The following DOK5 variants were observed in gnomAD, a reference collection of about 807,000 sequenced individuals.
The protein encoded by DOK5 is downstream of tyrosine kinase 5.
In DOK5, 27 loss-of-function variants were observed where a neutral mutation model predicts 43.3. The observed-to-expected ratio is 0.62, with a 90% CI of 0.46 to 0.86. The LOEUF (loss-of-function observed/expected upper bound fraction) is 0.86, where lower values mean the gene tolerates loss of function less well. Among genes scored for constraint, DOK5 ranks in the 40% least tolerant of loss-of-function variants. The pLI is 0.00. For missense variants in DOK5, 373 were observed against 392.9 expected, an observed-to-expected ratio of 0.95 and a Z score of 0.43; for synonymous variants, 146 against 140.1, an observed-to-expected ratio of 1.04 and a Z score of -0.30.
chr20:54,552,717 C>T (rs886999852), intron 1 of DOK5, among the ~76,000 whole-genome samples: 1 of 152,104 alleles, frequency 6.6e-6, no homozygotes, highest in Non-Finnish European at 1.5e-5. Flanking sequence ...ATGCTGCTAA[C>T]ATTTTATTGT....
chr20:54,629,705 A>G (rs1368592457), intron 6 of DOK5, among the ~76,000 whole-genome samples: 6 of 152,230 alleles, frequency 3.9e-5, no homozygotes, highest in Non-Finnish European at 7.3e-5. Context: ...CAATCAATAT[A>G]TAAATATATA....
chr20:54,514,393 A>T (rs1448526549), intron 1 of DOK5, among the ~76,000 whole-genome samples: 1 of 152,196 alleles, frequency 6.6e-6, no homozygotes, highest in Non-Finnish European at 1.5e-5. Flanking sequence ...CAGAAGAGGA[A>T]TTCCAAGAAT....
intron 2 of DOK5, among the ~76,000 whole-genome samples, chr20:54,579,968 C>T (rs1985584833): frequency 6.6e-6 from 1 of 152,046 alleles, no homozygotes; most frequent in African/African-American, 2.4e-5. Context: ...GTGTGATGTT[C>T]CCCTCCCTGT....
At chr20:54,480,039 C>T (rs1405739315) in intron 1 of DOK5, among the ~76,000 whole-genome samples, 1 of 152,070 alleles carries the variant, frequency 6.6e-6, no homozygotes, top group South Asian at 2.1e-4. Flanking sequence ...TTGCAACAGT[C>T]TTCTCATTTG....
At chr20:54,610,296 T>A in intron 5 of DOK5, 92 bp from the exon 6 acceptor site, 1 of 1,241,050 alleles carries the variant, frequency 8.1e-7, no homozygotes, top group South Asian at 2.8e-5. Context: ...AAATAATAAA[T>A]GGGCGCAGCC....
chr20:54,628,804 T>G (rs946963602), intron 6 of DOK5, among the ~76,000 whole-genome samples: 1 of 152,162 alleles, frequency 6.6e-6, no homozygotes, highest in African/African-American at 2.4e-5. Flanking sequence ...TGTGAGAACT[T>G]TAGGAAGGTA....
At chr20:54,519,255 A>G (rs1432211291) in intron 1 of DOK5, among the ~76,000 whole-genome samples, 2 of 152,286 alleles carry the variant, frequency 1.3e-5, no homozygotes, top group East Asian at 3.9e-4. Flanking sequence ...AAACTGCGTT[A>G]TCTTGTATCA....
At chr20:54,571,696 G>A (rs953983638) in intron 2 of DOK5, among the ~76,000 whole-genome samples, 1 of 152,172 alleles carries the variant, frequency 6.6e-6, no homozygotes, top group Admixed American at 6.5e-5. Flanking sequence ...TCTTTCTAGA[G>A]CATAAATATG....
chr20:54,594,678 C>CT (rs1348876419), intron 5 of DOK5, among the ~76,000 whole-genome samples: 2 of 151,930 alleles, frequency 1.3e-5, no homozygotes, highest in East Asian at 1.9e-4. Context: ...ATTTTAAAAT[C>CT]TTTTTTTATT....
At chr20:54,588,646 G>A in intron 3 of DOK5, 41 bp from the exon 4 acceptor site, 4 of 1,614,016 alleles carry the variant, frequency 2.5e-6, no homozygotes, top group Non-Finnish European at 3.4e-6. Context: ...ATTCTGAATG[G>A]ATGCTGGGCA....
At chr20:54,494,510 C>A (rs1982312182) in intron 1 of DOK5, among the ~76,000 whole-genome samples, 1 of 152,160 alleles carries the variant, frequency 6.6e-6, no homozygotes, top group Non-Finnish European at 1.5e-5. Context: ...GAGTGTGACT[C>A]AGTGACAGCT....
In DOK5 at chr20:54,514,286, C is replaced by A. The variant is rs1403400971; in HGVS notation, c.66+38274C>A. Among the ~76,000 whole-genome samples the A allele has an allele frequency of 2.0e-5, 3 of 152,282 alleles. No homozygotes were observed. The East Asian group carries it at 5.8e-4, about 29-fold the overall frequency. ...TAATTCTGCAAAGCCCTCATCCTCC[C>A]AGCACTATATGTACTAAGCGTGAGA... On this transcript the variant is annotated intron_variant, in intron 1 of 7. Transcript: ENST00000262593.
chr20:54,515,563 G>C (rs897883227), intron 1 of DOK5, among the ~76,000 whole-genome samples: 3 of 152,184 alleles, frequency 2.0e-5, no homozygotes, highest in Non-Finnish European at 4.4e-5. Context: ...GTCTACCACA[G>C]TACATCTTGT....
At chr20:54,516,806 A>G (rs1983212322) in intron 1 of DOK5, among the ~76,000 whole-genome samples, 1 of 152,206 alleles carries the variant, frequency 6.6e-6, no homozygotes, top group Non-Finnish European at 1.5e-5. Flanking sequence ...TCTTGCCCTC[A>G]AAGAATTTAC....
intron 1 of DOK5, among the ~76,000 whole-genome samples, chr20:54,497,364 T>C (rs900332922): frequency 5.9e-5 from 9 of 152,234 alleles, no homozygotes; most frequent in African/African-American, 1.9e-4. Context: ...CAGTCTTACA[T>C]TTGAACAACA....
At chr20:54,529,555 A>G (rs1203251781) in intron 1 of DOK5, among the ~76,000 whole-genome samples, 1 of 152,004 alleles carries the variant, frequency 6.6e-6, no homozygotes, top group African/African-American at 2.4e-5. Context: ...AAAAAAAAAC[A>G]GCATTATTGG....
Position 54,647,509 on chromosome 20 carries a change from T to TAAA in DOK5, c.857-2894_857-2892dup, listed in dbSNP as rs747478559. Among the ~76,000 whole-genome samples the TAAA allele has an allele frequency of 4.1e-3, 520 of 127,712 alleles. 2 individuals carry two copies. Among genetic ancestry groups the TAAA allele is most frequent in the African/African-American group, 0.013 (452 of 34,964 alleles). The allele number at this position is 127,712 out of a possible 152,430, so 83.8% of individuals were successfully genotyped here. On this transcript the variant is annotated intron_variant, in intron 7 of 7. Transcript: ENST00000262593. ...AACAAGAGTGAAACTCTGTCTCAGT[T>TAAA]AAAAAAAAAAAAAACAAAAAAACTA... is the stretch of plus-strand genomic sequence containing the variant.
chr20:54,577,464 A>G (rs952195109), intron 2 of DOK5, among the ~76,000 whole-genome samples: 5 of 152,232 alleles, frequency 3.3e-5, no homozygotes, highest in African/African-American at 7.2e-5. Context: ...TGCTAAAATA[A>G]AACTGATAGC....
At chr20:54,534,645 T>C (rs372472020) in intron 1 of DOK5, among the ~76,000 whole-genome samples, 7 of 152,340 alleles carry the variant, frequency 4.6e-5, no homozygotes, top group Admixed American at 3.3e-4. Context: ...AAATACTTAG[T>C]TGAATACCTG....
Sources: gnomAD v4.1 joint callset for allele counts (sites outside exome capture counted in the v4.1 genomes callset) on GRCh38, gnomAD v4.1.1 for gene constraint, MANE v1.5 for transcripts, NCBI Gene and HGNC (gene_info 2026-07-23, HGNC 2026-07-21) for gene names.